The following AGBL1 variants were observed in gnomAD, a reference collection of about 807,000 sequenced individuals.
AGBL1 encodes the protein cytosolic carboxypeptidase 4.
A neutral mutation model predicts 118.9 loss-of-function variants in AGBL1; 130 were observed. The ratio of observed to expected loss-of-function variants is 1.09; its 90% CI spans 0.95 to 1.26. The LOEUF (loss-of-function observed/expected upper bound fraction) is 1.26. AGBL1 is among the 50% of genes most tolerant of loss of function. The pLI is 0.00. For synonymous variants in AGBL1, 555 were observed against 478.9 expected (o/e 1.16, Z -2.08); for missense variants, 1,584 against 1,298.1 (o/e 1.22, Z -3.38).
At chr15:86,768,234 T>C (rs1175396260) in intron 22 of AGBL1, among the ~76,000 whole-genome samples, 2 of 151,976 alleles carry the variant, frequency 1.3e-5, no homozygotes, top group Admixed American at 6.6e-5. Context: ...CAATTTAGTT[T>C]TACTCCAAAT....
intron 21 of AGBL1, among the ~76,000 whole-genome samples, chr15:86,586,548 A>G (rs1224367996): frequency 6.6e-6 from 1 of 152,176 alleles, no homozygotes. Context: ...AAATATATAA[A>G]GTGTTTTATT....
chr15:86,936,036 G>A (rs77369543), intron 23 of AGBL1, among the ~76,000 whole-genome samples: 2,650 of 152,340 alleles, frequency 0.017, 39 homozygotes, highest in Non-Finnish European at 0.027. Flanking sequence ...GGCAGAGGCC[G>A]CCACTGAGCA....
chr15:86,967,809 G>T (rs1306642190), intron 23 of AGBL1, among the ~76,000 whole-genome samples: 1 of 152,038 alleles, frequency 6.6e-6, no homozygotes, highest in Non-Finnish European at 1.5e-5. Context: ...GACAATGTGG[G>T]CTCTTTTTTT....
chr15:86,770,905 G>C (rs1193612097), intron 22 of AGBL1, among the ~76,000 whole-genome samples: 8 of 152,080 alleles, frequency 5.3e-5, no homozygotes, highest in African/African-American at 1.9e-4. Context: ...TGGGCACACA[G>C]CTAGATTACC....
chr15:86,871,214 A>C (rs2141504709), intron 22 of AGBL1, among the ~76,000 whole-genome samples: 1 of 152,318 alleles, frequency 6.6e-6, no homozygotes, highest in Non-Finnish European at 1.5e-5. Flanking sequence ...AATTGTCTCC[A>C]GTATCCATGA....
At chr15:86,215,379 C>T (rs998699952) in intron 5 of AGBL1, among the ~76,000 whole-genome samples, 1 of 152,068 alleles carries the variant, frequency 6.6e-6, no homozygotes, top group Non-Finnish European at 1.5e-5. Flanking sequence ...CTTTATCCAC[C>T]TGTTATTTGG....
chr15:86,562,355 G>C (rs150909867), intron 21 of AGBL1, among the ~76,000 whole-genome samples: 8,061 of 152,202 alleles, frequency 0.053, 569 homozygotes, highest in African/African-American at 0.16. Context: ...AGCATGAAGG[G>C]CTGTTGAATT....
At chr15:86,239,962 T>C (rs1261401024) in intron 6 of AGBL1, among the ~76,000 whole-genome samples, 6 of 152,218 alleles carry the variant, frequency 3.9e-5, no homozygotes, top group Non-Finnish European at 7.3e-5. Context: ...TCGACCTCCA[T>C]AGATATATAC....
At chr15:86,618,831 G>A (rs1222537123) in intron 21 of AGBL1, among the ~76,000 whole-genome samples, 1 of 151,958 alleles carries the variant, frequency 6.6e-6, no homozygotes, top group Non-Finnish European at 1.5e-5. Context: ...CAGACCCTCC[G>A]TGGATCCTGC....
chr15:86,356,255 A>T (rs905043731), intron 17 of AGBL1, among the ~76,000 whole-genome samples: 3 of 152,070 alleles, frequency 2.0e-5, no homozygotes, highest in Non-Finnish European at 4.4e-5. Context: ...CTTAGAGTTA[A>T]CCCAGAGAAA....
intron 22 of AGBL1, among the ~76,000 whole-genome samples, chr15:86,786,847 T>G (rs1419439312): frequency 6.6e-6 from 1 of 152,210 alleles, no homozygotes; most frequent in African/African-American, 2.4e-5. Context: ...CATTTAACAT[T>G]CTCACACCTA....
intron 22 of AGBL1, among the ~76,000 whole-genome samples, chr15:86,719,276 G>C (rs1454559985): frequency 6.6e-6 from 1 of 152,108 alleles, no homozygotes; most frequent in African/African-American, 2.4e-5. Flanking sequence ...AGTCAGATAG[G>C]AGACAACTCT....
intron 17 of AGBL1, among the ~76,000 whole-genome samples, chr15:86,347,426 G>A (rs1430066552): frequency 2.0e-5 from 3 of 152,182 alleles, no homozygotes; most frequent in Non-Finnish European, 2.9e-5. Flanking sequence ...AGTAGACTGA[G>A]CATGTTTTCC....
At chr15:86,658,484 T>C (rs1466216957) in intron 21 of AGBL1, among the ~76,000 whole-genome samples, 1 of 152,238 alleles carries the variant, frequency 6.6e-6, no homozygotes, top group African/African-American at 2.4e-5. Flanking sequence ...ATTTTGATTC[T>C]GGATTAAGTA....
chr15:86,752,560 G>A (rs755810555), intron 22 of AGBL1, among the ~76,000 whole-genome samples: 1 of 152,078 alleles, frequency 6.6e-6, no homozygotes, highest in Non-Finnish European at 1.5e-5. Flanking sequence ...TAGGGAGAAT[G>A]CAGGAGCACA....
chr15:86,637,305 G>A (rs1225931868), intron 21 of AGBL1, among the ~76,000 whole-genome samples: 2 of 152,082 alleles, frequency 1.3e-5, no homozygotes, highest in Non-Finnish European at 2.9e-5. Context: ...GGCATGTCAG[G>A]GAGAGCTAAG....
In AGBL1 at chr15:86,909,882, G is replaced by A. The variant is rs539941571; in HGVS notation, c.*2588G>A. On this transcript the variant is annotated 3_prime_UTR_variant, in exon 23 of 23. Coordinates refer to ENST00000614907, the MANE Select transcript of AGBL1 (RefSeq NM_001386094.1). ...TAAAAAACGTGACCATGACAGATAA[G>A]TTTTTATGTGGCATGTTCAGAAAAA... 3 of 152,258 alleles carry A rather than the reference G, an allele frequency of 2.0e-5. No homozygotes were observed. Among genetic ancestry groups the A allele is most frequent in the African/African-American group, 7.2e-5 (3 of 41,554 alleles). 9.4% of individuals were successfully genotyped at this position (152,258 alleles called of 1,614,324 possible).
intron 24 of AGBL1, among the ~76,000 whole-genome samples, chr15:87,021,466 A>G (rs1340067237): frequency 6.6e-6 from 1 of 151,764 alleles, no homozygotes; most frequent in Non-Finnish European, 1.5e-5. Flanking sequence ...GCACAAAAGC[A>G]ATTGCAACAG....
At chr15:86,893,300 C>T (rs1344012405) in intron 22 of AGBL1, among the ~76,000 whole-genome samples, 1 of 152,140 alleles carries the variant, frequency 6.6e-6, no homozygotes, top group Non-Finnish European at 1.5e-5. Context: ...CTGGCATTCA[C>T]CCAAGTCTTG....
Sources: gnomAD v4.1 joint callset for allele counts (sites outside exome capture counted in the v4.1 genomes callset) on GRCh38, gnomAD v4.1.1 for gene constraint, MANE v1.5 for transcripts, NCBI Gene and HGNC (gene_info 2026-07-23, HGNC 2026-07-21) for gene names.